GRID2: variants seen among roughly 807,000 people sequenced by gnomAD.
The protein encoded by GRID2 is glutamate receptor ionotropic, delta-2.
A neutral mutation model predicts 114.8 loss-of-function variants in GRID2; 33 were observed. That is an observed-to-expected ratio of 0.29 (90% CI 0.22 to 0.38). The LOEUF (loss-of-function observed/expected upper bound fraction) is 0.38. GRID2 is among the 10% of genes least tolerant of loss of function. The probability of loss-of-function intolerance (pLI) is 1.00; values close to 1 mark genes in which losing one functional copy is unlikely to be tolerated. For missense variants in GRID2, 1,184 were observed against 1,257.7 expected (o/e 0.94, Z 0.89); for synonymous variants, 505 against 449.9 (o/e 1.12, Z -1.55).
chr4:93,490,641 G>A lies in GRID2; in HGVS notation c.1861G>A (p.Gly621Arg), dbSNP rs377255210. 199 of 1,606,382 alleles carry A rather than the reference G, an allele frequency of 1.2e-4. No individual in the cohort carries two copies. The highest frequency in any genetic ancestry group is 1.9e-4 in the African/African-American group (14 of 74,558). ...TATCTCTTTGCTTCTTTCTACAGGC[G>A]GGGAAGTCCCGTACACGACTCTGGC... Reference protein sequence around the residue: ...FVYGSFVQQGGEVPYTTLATR... With the variant: ...FVYGSFVQQGREVPYTTLATR... Residue 621 changes from glycine to arginine, a missense_variant and splice_region_variant, in exon 12 of 16, where the codon GGG (glycine) becomes AGG (arginine). Gly to Arg is a moderately radical substitution (Grantham distance 125). This residue lies in a region of GRID2 where 717 missense variants were observed against 796.9 expected (regional missense o/e 0.90). Coordinates refer to ENST00000282020, the MANE Select transcript of GRID2 (RefSeq NM_001510.4).
chr4:93,110,782 C>T lies in GRID2; in HGVS notation c.564C>T (p.Val188=), dbSNP rs1732686259. ...IRGIQEFLDK[V]SQQGMDVALQ... ...GAATACAGGAGTTCTTGGACAAAGT[C>T]TCTCAGCAGGGAATGGATGTTGCAC... The change falls in exon 4 of 16, where the codon GTC becomes GTT. Residue 188 remains valine (V), a synonymous_variant. Transcript: ENST00000282020. The T allele has an allele frequency of 3.1e-6, 5 of 1,612,884 alleles. No individual in the cohort carries two copies. Among genetic ancestry groups the T allele is most frequent in the Non-Finnish European group, 4.2e-6 (5 of 1,178,892 alleles).
At chr4:93,328,735 A>T (rs1346821588) in intron 8 of GRID2, among the ~76,000 whole-genome samples, 1 of 151,808 alleles carries the variant, frequency 6.6e-6, no homozygotes, top group African/African-American at 2.4e-5. Context: ...GGATGGATGG[A>T]TGGATGGATG....
At chr4:92,649,300 T>G (rs1157947009) in intron 2 of GRID2, among the ~76,000 whole-genome samples, 1 of 149,770 alleles carries the variant, frequency 6.7e-6, no homozygotes, top group Non-Finnish European at 1.5e-5. Flanking sequence ...ATTCAAAGTT[T>G]GAAGGCTTGA....
chr4:93,149,931 C>T (rs1252934449), intron 4 of GRID2, among the ~76,000 whole-genome samples: 2 of 151,578 alleles, frequency 1.3e-5, no homozygotes, highest in African/African-American at 2.4e-5. Context: ...TCACTGTACC[C>T]GACCACCAAG....
At chr4:92,792,621 G>A (rs577909339) in intron 2 of GRID2, among the ~76,000 whole-genome samples, 1 of 151,850 alleles carries the variant, frequency 6.6e-6, no homozygotes, top group East Asian at 2.0e-4. Flanking sequence ...GGTTCTTGGA[G>A]ATATGGTCTA....
chr4:93,223,754 T>C (rs1410195451), intron 6 of GRID2, among the ~76,000 whole-genome samples: 1 of 152,146 alleles, frequency 6.6e-6, no homozygotes, highest in African/African-American at 2.4e-5. Context: ...AGGATTCCTT[T>C]TGGTATTATG....
chr4:92,890,808 G>A (rs1578399347), intron 2 of GRID2, among the ~76,000 whole-genome samples: 1 of 152,146 alleles, frequency 6.6e-6, no homozygotes. Context: ...AAAGACACAT[G>A]CACACGTATG....
intron 8 of GRID2, among the ~76,000 whole-genome samples, chr4:93,384,915 C>T (rs1285505796): frequency 6.6e-6 from 1 of 152,124 alleles, no homozygotes; most frequent in East Asian, 1.9e-4. Context: ...ATTAGAAGAA[C>T]ACATAAATCC....
chr4:93,688,886 T>C (rs1272194369), intron 14 of GRID2, among the ~76,000 whole-genome samples: 1 of 152,084 alleles, frequency 6.6e-6, no homozygotes, highest in Non-Finnish European at 1.5e-5. Context: ...TCCTAAGTTC[T>C]CATTACTTGT....
intron 1 of GRID2, among the ~76,000 whole-genome samples, chr4:92,483,400 G>T (rs1336400569): frequency 1.3e-5 from 2 of 152,080 alleles, no homozygotes; most frequent in Non-Finnish European, 2.9e-5. Flanking sequence ...ACTGCTCAGA[G>T]AATTTTGATT....
At chr4:92,795,677 T>G (rs919579084) in intron 2 of GRID2, among the ~76,000 whole-genome samples, 1 of 152,032 alleles carries the variant, frequency 6.6e-6, no homozygotes, top group African/African-American at 2.4e-5. Context: ...GAAGTATCCA[T>G]GTCACAAAAT....
chr4:92,792,718 A>G (rs994782490), intron 2 of GRID2, among the ~76,000 whole-genome samples: 2 of 151,852 alleles, frequency 1.3e-5, no homozygotes, highest in Non-Finnish European at 2.9e-5. Context: ...AATTTTCCAC[A>G]TATTTGCTAT....
chr4:93,692,530 T>C (rs1361168666), intron 14 of GRID2, among the ~76,000 whole-genome samples: 1 of 152,204 alleles, frequency 6.6e-6, no homozygotes, highest in East Asian at 1.9e-4. Context: ...TAAAAATCAT[T>C]AAGTAATATT....
chr4:92,859,076 C>G (rs1200243005), intron 2 of GRID2, among the ~76,000 whole-genome samples: 5 of 152,056 alleles, frequency 3.3e-5, no homozygotes, highest in Non-Finnish European at 7.4e-5. Flanking sequence ...TCACATTCTA[C>G]AGAGAAATCT....
At chr4:92,487,716 C>T (rs924532886) in intron 1 of GRID2, among the ~76,000 whole-genome samples, 5 of 151,746 alleles carry the variant, frequency 3.3e-5, no homozygotes, top group African/African-American at 1.2e-4. Flanking sequence ...TCAATGTTTT[C>T]TCTAAGTGTT....
At chr4:93,794,597 G>A (rs566057838) in intron 1 of GRID2, among the ~76,000 whole-genome samples, 9 of 152,208 alleles carry the variant, frequency 5.9e-5, no homozygotes, top group African/African-American at 1.7e-4. Context: ...AAAGCGTCTC[G>A]GCGAGCCTTT....
intron 4 of GRID2, among the ~76,000 whole-genome samples, chr4:93,162,087 A>G (rs1218128149): frequency 6.6e-6 from 1 of 151,794 alleles, no homozygotes; most frequent in Non-Finnish European, 1.5e-5. Context: ...TCTCATGATG[A>G]TCATGTTAGG....
chr4:92,621,447 A>G (rs1266007639), intron 2 of GRID2, among the ~76,000 whole-genome samples: 1 of 151,838 alleles, frequency 6.6e-6, no homozygotes, highest in African/African-American at 2.4e-5. Flanking sequence ...CTAAGGAAAA[A>G]TGATTATTTT....
intron 8 of GRID2, among the ~76,000 whole-genome samples, chr4:93,263,286 A>T (rs2149552923): frequency 6.6e-6 from 1 of 152,132 alleles, no homozygotes. Flanking sequence ...ATACAGTCAA[A>T]TCACTTTCCT....
Sources: gnomAD v4.1 joint callset for allele counts (sites outside exome capture counted in the v4.1 genomes callset) on GRCh38, gnomAD v4.1.1 for gene constraint, gnomAD v4.1.1 regional missense constraint, MANE v1.5 for transcripts, NCBI Gene and HGNC (gene_info 2026-07-23, HGNC 2026-07-21) for gene names.